Variants in ELMO1 observed in about 807,000 individuals in gnomAD.
The protein encoded by ELMO1 is engulfment and cell motility 1, also known as engulfment and cell motility protein 1.
ELMO1 carries 26 observed loss-of-function variants against 98.9 expected under a neutral mutation model. The observed-to-expected ratio is 0.26, with a 90% CI of 0.19 to 0.36. The LOEUF (loss-of-function observed/expected upper bound fraction) is 0.36. Among genes scored for constraint, ELMO1 ranks in the 10% least tolerant of loss-of-function variants. The pLI is 1.00. For synonymous variants in ELMO1, 346 were observed against 346.0 expected, an observed-to-expected ratio of 1.00 and a Z score of 0.00; for missense variants, 627 against 935.2, an observed-to-expected ratio of 0.67 and a Z score of 4.30.
intron 15 of ELMO1, among the ~76,000 whole-genome samples, chr7:37,090,048 C>A (rs1321872539): frequency 2.6e-5 from 4 of 152,154 alleles, no homozygotes; most frequent in Admixed American, 2.6e-4. Flanking sequence ...TAAAAGAGAT[C>A]CACCGGAAGA....
chr7:37,248,207 T>C (rs1243778518), intron 6 of ELMO1, among the ~76,000 whole-genome samples: 1 of 152,028 alleles, frequency 6.6e-6, no homozygotes, highest in Admixed American at 6.6e-5. Context: ...TGTGTGTGTG[T>C]GTGTGTGTGT....
intron 15 of ELMO1, among the ~76,000 whole-genome samples, chr7:37,029,310 T>G (rs73344375): frequency 0.026 from 3,951 of 152,262 alleles, 153 homozygotes; most frequent in African/African-American, 0.084. Flanking sequence ...TATCAAAGAT[T>G]ACCCCAGGTG....
intron 1 of ELMO1, among the ~76,000 whole-genome samples, chr7:37,364,086 C>T (rs1321175454): frequency 6.6e-6 from 1 of 152,186 alleles, no homozygotes; most frequent in Non-Finnish European, 1.5e-5. Context: ...AAGGAGTCCT[C>T]TCCCCACAGA....
At chr7:36,864,486 G>A (rs1802874327) in intron 20 of ELMO1, among the ~76,000 whole-genome samples, 1 of 152,198 alleles carries the variant, frequency 6.6e-6, no homozygotes, top group South Asian at 2.1e-4. Context: ...GCATGTCTGT[G>A]TTAAAGGGTG....
At chr7:37,323,428 C>T (rs146991156) in intron 2 of ELMO1, among the ~76,000 whole-genome samples, 102 of 152,310 alleles carry the variant, frequency 6.7e-4, no homozygotes, top group African/African-American at 2.4e-3. Context: ...CGCGATGGCT[C>T]ATGCCTGTAA....
At chr7:37,389,904 A>G (rs1194353662) in intron 1 of ELMO1, among the ~76,000 whole-genome samples, 1 of 152,134 alleles carries the variant, frequency 6.6e-6, no homozygotes, top group Non-Finnish European at 1.5e-5. Flanking sequence ...CACCGTAAGC[A>G]GAAAGGCACG....
intron 14 of ELMO1, among the ~76,000 whole-genome samples, chr7:37,109,890 C>A (rs1490695022): frequency 6.6e-6 from 1 of 152,206 alleles, no homozygotes; most frequent in Non-Finnish European, 1.5e-5. Context: ...TGGGACATTT[C>A]TCTTAATTCC....
At chr7:36,875,283 G>A (rs117975213) in intron 19 of ELMO1, among the ~76,000 whole-genome samples, 1,661 of 152,046 alleles carry the variant, frequency 0.011, 12 homozygotes, top group Non-Finnish European at 0.017. Context: ...TTTGTCTCAG[G>A]CACAGTATTG....
At chr7:37,260,732 C>G (rs1379737761) in intron 5 of ELMO1, among the ~76,000 whole-genome samples, 1 of 152,074 alleles carries the variant, frequency 6.6e-6, no homozygotes, top group African/African-American at 2.4e-5. Flanking sequence ...AAACCAAAAA[C>G]AGACACGTTG....
chr7:36,887,301 T>G (rs929650245), intron 18 of ELMO1, among the ~76,000 whole-genome samples: 3 of 152,210 alleles, frequency 2.0e-5, no homozygotes, highest in African/African-American at 7.2e-5. Context: ...GTGTCAGCTA[T>G]TGTTGACACC....
chr7:37,339,426 A>G (rs73112675), intron 2 of ELMO1, among the ~76,000 whole-genome samples: 20,442 of 152,256 alleles, frequency 0.13, 1,485 homozygotes, highest in Non-Finnish European at 0.17. Flanking sequence ...GCAGTGCTTA[A>G]CCCAACTTTT....
intron 1 of ELMO1, among the ~76,000 whole-genome samples, chr7:37,407,992 TA>T (rs1374228619): frequency 6.6e-6 from 1 of 152,184 alleles, no homozygotes; most frequent in Non-Finnish European, 1.5e-5. Context: ...AAATATTTAT[TA>T]ATTTTAAAAA....
At chr7:37,098,152 T>C (rs1784459859) in intron 14 of ELMO1, among the ~76,000 whole-genome samples, 1 of 152,248 alleles carries the variant, frequency 6.6e-6, no homozygotes, top group Non-Finnish European at 1.5e-5. Context: ...GCATCTACAA[T>C]GATGCTGTGC....
intron 16 of ELMO1, among the ~76,000 whole-genome samples, chr7:36,902,448 C>T (rs1417212157): frequency 6.6e-6 from 1 of 152,192 alleles, no homozygotes; most frequent in Admixed American, 6.5e-5. Context: ...TTAATGTGGG[C>T]AGTGAGGTCC....
intron 13 of ELMO1, among the ~76,000 whole-genome samples, chr7:37,168,367 C>T (rs904060096): frequency 1.4e-4 from 22 of 152,318 alleles, no homozygotes; most frequent in Non-Finnish European, 2.5e-4. Context: ...AGCTTTGTTC[C>T]ATTGCTGGTG....
intron 16 of ELMO1, among the ~76,000 whole-genome samples, chr7:37,010,793 A>T (rs1034539913): frequency 6.6e-6 from 1 of 152,262 alleles, no homozygotes; most frequent in African/African-American, 2.4e-5. Context: ...CAGAAAAGTT[A>T]TATACGCATG....
chr7:36,998,688 C>A (rs1792403687), intron 16 of ELMO1, among the ~76,000 whole-genome samples: 2 of 152,090 alleles, frequency 1.3e-5, no homozygotes, highest in South Asian at 4.2e-4. Flanking sequence ...AAACTGTCCA[C>A]CGGAGGCCAT....
chr7:36,898,823 C>T (rs1052095682), intron 16 of ELMO1, among the ~76,000 whole-genome samples: 3 of 152,176 alleles, frequency 2.0e-5, no homozygotes, highest in Non-Finnish European at 2.9e-5. Flanking sequence ...GGCCCTGTGC[C>T]GGATGAGCTC....
At chr7:37,150,516 G>C (rs188562971) in intron 13 of ELMO1, among the ~76,000 whole-genome samples, 1 of 151,996 alleles carries the variant, frequency 6.6e-6, no homozygotes, top group Non-Finnish European at 1.5e-5. Context: ...TGTGCATAGA[G>C]TATTTACTTA....
Sources: allele counts gnomAD v4.1 joint callset (sites outside exome capture counted in the v4.1 genomes callset), GRCh38; gene constraint gnomAD v4.1.1; transcripts MANE v1.5; gene names NCBI Gene and HGNC (gene_info 2026-07-23, HGNC 2026-07-21).